Variants in MGAT4C observed in about 807,000 individuals in gnomAD.
MGAT4C encodes alpha-1,3-mannosyl-glycoprotein 4-beta-N-acetylglucosaminyltransferase C.
In MGAT4C, 19 loss-of-function variants were observed where a neutral mutation model predicts 40.1. The ratio of observed to expected loss-of-function variants is 0.47; its 90% CI spans 0.33 to 0.70. MGAT4C has a LOEUF of 0.70. Ranked by LOEUF, MGAT4C falls within the 30% of genes least tolerant of loss-of-function variation. MGAT4C has a pLI of 0.02. For synonymous variants in MGAT4C, 181 were observed against 187.1 expected (o/e 0.97, Z 0.27); for missense variants, 491 against 563.2 (o/e 0.87, Z 1.30).
intron 2 of MGAT4C, among the ~76,000 whole-genome samples, chr12:86,583,125 A>C (rs1203855517): frequency 6.6e-6 from 1 of 151,270 alleles, no homozygotes; most frequent in Non-Finnish European, 1.5e-5. Context: ...TAAAATCAGA[A>C]TATTTTCTCT....
chr12:86,173,734 G>A (rs1041337588), intron 1 of MGAT4C, among the ~76,000 whole-genome samples: 6 of 151,830 alleles, frequency 4.0e-5, no homozygotes, highest in African/African-American at 1.5e-4. Context: ...TGTTACGCTG[G>A]GATAAATTTT....
At chr12:86,114,622 G>C (rs1295111037) in intron 1 of MGAT4C, among the ~76,000 whole-genome samples, 1 of 151,386 alleles carries the variant, frequency 6.6e-6, no homozygotes, top group Non-Finnish European at 1.5e-5. Flanking sequence ...AATTTTTATA[G>C]CAACCCATGC....
In MGAT4C at chr12:86,696,824, A is replaced by G. The variant is rs187899173; in HGVS notation, c.-229+30385T>C. Among the ~76,000 whole-genome samples the G allele has an allele frequency of 1.9e-3, 283 of 152,306 alleles. 1 individual carries two copies. The highest frequency in any genetic ancestry group is 6.6e-3 in the African/African-American group (273 of 41,570). ...TTTAATATGAGCCCACTAAACAAAAAGAAATCTGCTTTTAGTGTGAAGACA... is the reference window on the plus strand; with the variant it reads ...TTTAATATGAGCCCACTAAACAAAAGGAAATCTGCTTTTAGTGTGAAGACA... On this transcript the variant is annotated intron_variant, in intron 2 of 7. Coordinates refer to the MGAT4C transcript ENST00000548651.
intron 3 of MGAT4C, among the ~76,000 whole-genome samples, chr12:85,984,929 C>T (rs777368407): frequency 6.6e-6 from 1 of 152,094 alleles, no homozygotes; most frequent in Admixed American, 6.6e-5. Flanking sequence ...CAGGCACACG[C>T]CACCATGCCC....
chr12:86,408,039 C>T (rs1956509858), intron 3 of MGAT4C, among the ~76,000 whole-genome samples: 1 of 151,916 alleles, frequency 6.6e-6, no homozygotes, highest in Admixed American at 6.6e-5. Flanking sequence ...AGGCAACTTC[C>T]TTGGATAGAT....
intron 1 of MGAT4C, among the ~76,000 whole-genome samples, chr12:86,238,671 A>T (rs1951652050): frequency 6.6e-6 from 1 of 152,042 alleles, no homozygotes; most frequent in Non-Finnish European, 1.5e-5. Flanking sequence ...ATATAGAATT[A>T]TTTATGGTTA....
intron 4 of MGAT4C, among the ~76,000 whole-genome samples, chr12:86,279,530 T>G: frequency 6.6e-6 from 1 of 152,114 alleles, no homozygotes. Flanking sequence ...TTTTATTTAT[T>G]TGGGTCTCCT....
At chr12:86,281,789 C>CT (rs1367423955) in intron 4 of MGAT4C, among the ~76,000 whole-genome samples, 2 of 152,014 alleles carry the variant, frequency 1.3e-5, no homozygotes, top group Non-Finnish European at 1.5e-5. Context: ...GTTTTCTGAG[C>CT]TTTTGTTCAT....
chr12:86,767,134 A>G (rs140761833), intron 1 of MGAT4C, among the ~76,000 whole-genome samples: 3,864 of 152,260 alleles, frequency 0.025, 77 homozygotes, highest in Non-Finnish European at 0.036. Context: ...AGATTAATAA[A>G]GAAAAAAAGA....
chr12:86,447,786 T>C (rs995230460), intron 2 of MGAT4C, among the ~76,000 whole-genome samples: 3 of 152,114 alleles, frequency 2.0e-5, no homozygotes, highest in African/African-American at 7.2e-5. Context: ...ATGAAACTAT[T>C]TTTTACAAGC....
chr12:86,260,018 T>C (rs1019634429), upstream of MGAT4C, among the ~76,000 whole-genome samples: 2 of 152,060 alleles, frequency 1.3e-5, no homozygotes, highest in African/African-American at 4.8e-5. Context: ...ATTTTACTAT[T>C]CATTAGCATT....
chr12:86,384,201 T>A (rs1317464484), intron 3 of MGAT4C, among the ~76,000 whole-genome samples: 1 of 152,328 alleles, frequency 6.6e-6, no homozygotes, highest in African/African-American at 2.4e-5. Flanking sequence ...GTCTCAGGTA[T>A]GTTTTTATCA....
chr12:85,993,343 C>A (rs1006787933), intron 2 of MGAT4C, among the ~76,000 whole-genome samples: 1 of 152,100 alleles, frequency 6.6e-6, no homozygotes, highest in African/African-American at 2.4e-5. Flanking sequence ...ATTGGAGGAC[C>A]AGTTGGAAGA....
intron 2 of MGAT4C, among the ~76,000 whole-genome samples, chr12:86,518,396 T>C (rs1958734981): frequency 6.6e-6 from 1 of 152,312 alleles, no homozygotes; most frequent in South Asian, 2.1e-4. Flanking sequence ...TAAAGTCTCT[T>C]TGCAAAATAA....
chr12:86,587,322 T>G (rs1423698756), intron 2 of MGAT4C, among the ~76,000 whole-genome samples: 1 of 152,140 alleles, frequency 6.6e-6, no homozygotes, highest in Non-Finnish European at 1.5e-5. Flanking sequence ...ATCTCTGTTT[T>G]AGTACCAGTA....
At chr12:86,685,706 T>C (rs1593113831) in intron 2 of MGAT4C, among the ~76,000 whole-genome samples, 1 of 152,312 alleles carries the variant, frequency 6.6e-6, no homozygotes, top group East Asian at 1.9e-4. Flanking sequence ...TCTTATTTCT[T>C]TGAGCAGTGG....
intron 2 of MGAT4C, among the ~76,000 whole-genome samples, chr12:86,562,343 C>T (rs953164588): frequency 2.6e-5 from 4 of 152,080 alleles, no homozygotes; most frequent in African/African-American, 7.2e-5. Context: ...AGTGAGGGCA[C>T]TGGTTGGAAA....
chr12:86,468,274 C>T (rs1565782014), intron 2 of MGAT4C, among the ~76,000 whole-genome samples: 1 of 151,948 alleles, frequency 6.6e-6, no homozygotes, highest in East Asian at 1.9e-4. Flanking sequence ...CAGGCCAAAC[C>T]TTTTCAAATC....
At chr12:86,333,607 C>T (rs1954721957) in intron 4 of MGAT4C, among the ~76,000 whole-genome samples, 2 of 152,112 alleles carry the variant, frequency 1.3e-5, no homozygotes, top group South Asian at 2.1e-4. Flanking sequence ...AACCAAGCTT[C>T]ATCATTAACT....
Sources: gnomAD v4.1 joint callset for allele counts (sites outside exome capture counted in the v4.1 genomes callset) on GRCh38, gnomAD v4.1.1 for gene constraint, MANE v1.5 for transcripts, NCBI Gene and HGNC (gene_info 2026-07-23, HGNC 2026-07-21) for gene names.